LGALS16: variants seen among roughly 807,000 people sequenced by gnomAD.
LGALS16 encodes galectin 16.
In LGALS16, 15 loss-of-function variants were observed where a neutral mutation model predicts 13.2. That is an observed-to-expected ratio of 1.13 (90% CI 0.76 to 1.75). The LOEUF is 1.75. Ranked by LOEUF, LGALS16 falls within the 40% of genes most tolerant of loss-of-function variation. The pLI, the probability that LGALS16 is intolerant of heterozygous loss-of-function variation, is 0.00. For missense variants in LGALS16, 198 were observed against 178.4 expected (o/e 1.11, Z -0.63); for synonymous variants, 66 against 65.4 (o/e 1.01, Z -0.05).
intron 2 of LGALS16, 124 bp downstream of exon 2, chr19:39,658,083 C>A: frequency 1.7e-6 from 2 of 1,179,966 alleles, no homozygotes; most frequent in Non-Finnish European, 1.2e-6. Context: ...CATGCAGGTG[C>A]AGGTCCTGGA....
chr19:39,660,258 G>C (rs1600819224), intron 3 of LGALS16, 137 bp from the exon 4 acceptor site: 2 of 775,706 alleles, frequency 2.6e-6, no homozygotes, highest in East Asian at 5.5e-5. Context: ...TCTGTAAACA[G>C]AAGTGTATCT....
intron 1 of LGALS16, among the ~76,000 whole-genome samples, chr19:39,656,328 A>AGT (rs1254193175): frequency 6.6e-6 from 1 of 151,938 alleles, no homozygotes; most frequent in African/African-American, 2.4e-5. Context: ...TTGTGATGTG[A>AGT]GTGTGTGTTA....
chr19:39,657,094 C>G (rs1045359087), intron 1 of LGALS16, among the ~76,000 whole-genome samples: 1 of 152,046 alleles, frequency 6.6e-6, no homozygotes, highest in Admixed American at 6.5e-5. Flanking sequence ...GAGACCCTTT[C>G]TTTAAAAAAC....
rs757965871 is a variant in LGALS16, at chr19:39,658,417, C to A, written c.93-43C>A. 9 of 1,475,188 alleles carry A rather than the reference C, an allele frequency of 6.1e-6. No homozygotes were observed. The Admixed American group carries it at 1.3e-4, about 22-fold the overall frequency. The allele number at this position is 1,475,188 out of a possible 1,614,324, so 91.4% of individuals were successfully genotyped here. ...TGTGCGTGTCAAGTGTGTGTCTGTG[C>A]AATGAAGGAACCTGTCCAATATGCT... On this transcript the variant is annotated intron_variant, in intron 2 of 3. Transcript: ENST00000392051.
In LGALS16 at chr19:39,660,384, T is replaced by C; in HGVS notation, c.304-11T>C. 1.3e-6 allele frequency: 2 copies of C among 1,540,658 alleles called. No homozygotes were observed. Among genetic ancestry groups the C allele is most frequent in the Non-Finnish European group, 1.7e-6 (2 of 1,147,980 alleles). On this transcript the variant is annotated splice_polypyrimidine_tract_variant and intron_variant, in intron 3 of 3. Transcript: ENST00000392051. The stretch of plus-strand genomic sequence containing the variant: ...GCATACTGTCTTTCTGATGCATTTT[T>C]CCTCTTAAAGGTAAAGGTAAATGGT...
intron 1 of LGALS16, among the ~76,000 whole-genome samples, chr19:39,656,204 A>T (rs1273671596): frequency 2.0e-5 from 3 of 152,158 alleles, no homozygotes; most frequent in Non-Finnish European, 4.4e-5. Context: ...GTGGTATCTG[A>T]TGAGAGTGAA....
intron 2 of LGALS16, 150 bp downstream of exon 2, chr19:39,658,109 G>A (rs778377653): frequency 1.1e-6 from 1 of 905,256 alleles, no homozygotes; most frequent in Non-Finnish European, 1.7e-6. Flanking sequence ...TCCAGCACCA[G>A]GCATGAGACC....
intron 2 of LGALS16, 126 bp from the exon 3 acceptor site, chr19:39,658,334 C>A (rs1394381983): frequency 7.4e-6 from 6 of 807,748 alleles, no homozygotes; most frequent in Non-Finnish European, 1.2e-5. Flanking sequence ...CCACAGGGAC[C>A]AGGCCTGCAG....
At chr19:39,659,062 A>T (rs969088943) in intron 3 of LGALS16, among the ~76,000 whole-genome samples, 2 of 151,046 alleles carry the variant, frequency 1.3e-5, no homozygotes, top group Non-Finnish European at 2.9e-5. Flanking sequence ...TACGAATAAC[A>T]TTACCAGAGC....
intron 3 of LGALS16, 71 bp downstream of exon 3, chr19:39,658,741 C>G: frequency 2.0e-6 from 2 of 980,376 alleles, no homozygotes; most frequent in South Asian, 1.4e-5. Flanking sequence ...TCTCATTGAC[C>G]TGGCCTCACC....
chr19:39,657,261 T>A (rs546710419), intron 1 of LGALS16, among the ~76,000 whole-genome samples: 1 of 152,100 alleles, frequency 6.6e-6, no homozygotes, highest in Non-Finnish European at 1.5e-5. Flanking sequence ...CAAGACCCTA[T>A]CTCAAAAATA....
intron 2 of LGALS16, among the ~76,000 whole-genome samples, chr19:39,658,203 G>T (rs1364557388): frequency 2.0e-5 from 3 of 152,164 alleles, no homozygotes; most frequent in African/African-American, 7.2e-5. Context: ...TTATCAAGGG[G>T]CATAGAATTT....
chr19:39,659,190 C>T (rs1409238365), intron 3 of LGALS16, among the ~76,000 whole-genome samples: 2 of 151,504 alleles, frequency 1.3e-5, no homozygotes, highest in African/African-American at 4.9e-5. Flanking sequence ...ACCTCCACCT[C>T]CCAGATTCAA....
intron 3 of LGALS16, 87 bp from the exon 4 acceptor site, chr19:39,660,308 T>C (rs751031877): frequency 5.8e-5 from 76 of 1,313,316 alleles, no homozygotes; most frequent in Admixed American, 8.7e-5. Context: ...TCTTGGGGAA[T>C]GTTATTGGTA....
chr19:39,656,294 G>A (rs1423077075), intron 1 of LGALS16, among the ~76,000 whole-genome samples: 1 of 152,102 alleles, frequency 6.6e-6, no homozygotes, highest in Admixed American at 6.6e-5. Flanking sequence ...GTGTAAGGGG[G>A]GTGATTGTAC....
At chr19:39,657,471 C>T (rs1245599776) in intron 1 of LGALS16, among the ~76,000 whole-genome samples, 1 of 152,014 alleles carries the variant, frequency 6.6e-6, no homozygotes, top group Non-Finnish European at 1.5e-5. Context: ...GGAGGACTCC[C>T]CTGTTCTGTT....
chr19:39,657,840 C>A lies in LGALS16; in HGVS notation c.16-43C>A, dbSNP rs750633162. 12 of 1,601,576 alleles carry A rather than the reference C, an allele frequency of 7.5e-6. No homozygotes were observed. The African/African-American group carries it at 1.1e-4, about 14-fold the overall frequency. On this transcript the variant is annotated intron_variant, in intron 1 of 3. Coordinates refer to ENST00000392051, the MANE Select transcript of LGALS16 (RefSeq NM_001190441.3). ...GAATATGTTACAGGAAGGGAGACTG[C>A]ACCTGACCCTGCACCTCTCACTTAT...
At chr19:39,659,401 A>G (rs1167545283) in intron 3 of LGALS16, among the ~76,000 whole-genome samples, 2 of 152,196 alleles carry the variant, frequency 1.3e-5, no homozygotes, top group Non-Finnish European at 2.9e-5. Flanking sequence ...ATCTTTGCCT[A>G]TGGAAGCATA....
At chr19:39,658,148 G>T (rs1218389639) in intron 2 of LGALS16, among the ~76,000 whole-genome samples, 189 bp downstream of exon 2, 1 of 152,228 alleles carries the variant, frequency 6.6e-6, no homozygotes, top group Non-Finnish European at 1.5e-5. Context: ...GCCAGCCATG[G>T]GGCCTAGGGG....
Sources: allele counts gnomAD v4.1 joint callset (sites outside exome capture counted in the v4.1 genomes callset), GRCh38; gene constraint gnomAD v4.1.1; transcripts MANE v1.5; gene names NCBI Gene and HGNC (gene_info 2026-07-23, HGNC 2026-07-21).